The following PI4KA variants were observed in gnomAD, a reference collection of about 807,000 sequenced individuals.
The protein encoded by PI4KA is PI4-kinase alpha.
In PI4KA, 122 loss-of-function variants were observed where a neutral mutation model predicts 271.4. That is an observed-to-expected ratio of 0.45 (90% CI 0.39 to 0.52). The LOEUF is 0.52. Ranked by LOEUF, PI4KA falls within the 20% of genes least tolerant of loss-of-function variation. The pLI is 0.00. For missense variants in PI4KA, 1,969 were observed against 2,769.1 expected (o/e 0.71, Z 6.48); for synonymous variants, 1,041 against 1,078.8 (o/e 0.96, Z 0.69).
chr22:20,720,564 G>C (rs1384123888), intron 43 of PI4KA, among the ~76,000 whole-genome samples: 3 of 152,110 alleles, frequency 2.0e-5, no homozygotes, highest in African/African-American at 7.2e-5. Flanking sequence ...TAAAACAAAA[G>C]CTACCACTTC....
At chr22:20,820,346 G>A (rs955560281) in intron 5 of PI4KA, among the ~76,000 whole-genome samples, 193 bp downstream of exon 5, 6 of 152,122 alleles carry the variant, frequency 3.9e-5, no homozygotes, top group East Asian at 1.9e-4. Context: ...GTGACCCAGC[G>A]TCTATGTAGC....
rs370385429 is a variant in PI4KA at position 20,744,758 on chromosome 22, A to G, written c.3364-38T>C. ...AACCATTATTGTAGACTATGGCAGCACTATCCTTTCCTCGTGTTTACCATG... is the reference window on the plus strand; with the variant it reads ...AACCATTATTGTAGACTATGGCAGCGCTATCCTTTCCTCGTGTTTACCATG... On this transcript the variant is annotated intron_variant, in intron 29 of 54. Coordinates refer to ENST00000255882, the MANE Select transcript of PI4KA (RefSeq NM_058004.4). 12 of 1,525,204 alleles carry G rather than the reference A, an allele frequency of 7.9e-6. No individual in the cohort carries two copies. In the African/African-American group the frequency reaches 1.6e-4, roughly 21 times the overall value. 94.5% of individuals were successfully genotyped at this position (1,525,204 alleles called of 1,614,324 possible).
chr22:20,857,880 G>A (rs1338980421), intron 1 of PI4KA, among the ~76,000 whole-genome samples: 1 of 152,146 alleles, frequency 6.6e-6, no homozygotes, highest in Non-Finnish European at 1.5e-5. Context: ...GATGAGGATT[G>A]CTCTGGCATG....
intron 1 of PI4KA, among the ~76,000 whole-genome samples, chr22:20,853,976 A>G (rs1346632837): frequency 2.7e-5 from 1 of 37,582 alleles, no homozygotes; most frequent in Non-Finnish European, 5.2e-5. Flanking sequence ...AAGGAAAGAG[A>G]AAAAAAAAAA....
At chr22:20,735,692 A>G (rs1928626305) in intron 32 of PI4KA, among the ~76,000 whole-genome samples, 1 of 152,190 alleles carries the variant, frequency 6.6e-6, no homozygotes, top group African/African-American at 2.4e-5. Flanking sequence ...GGTGGAGACA[A>G]AGGCCACATA....
chr22:20,768,907 G>C (rs1932757038), intron 19 of PI4KA, among the ~76,000 whole-genome samples: 1 of 152,214 alleles, frequency 6.6e-6, no homozygotes, highest in African/African-American at 2.4e-5. Flanking sequence ...TAGTGGCCAA[G>C]GACAGTGACA....
chr22:20,827,013 T>C lies in PI4KA; in HGVS notation c.368-2599A>G, dbSNP rs1601581459. Among the ~76,000 whole-genome samples the C allele has an allele frequency of 2.0e-5, 3 of 152,322 alleles. No individual in the cohort carries two copies. In the East Asian group the frequency reaches 5.8e-4, roughly 29 times the overall value. On this transcript the variant is annotated intron_variant, in intron 3 of 54. Transcript: ENST00000255882. ...GGTGGCTGTTTACTCTCTTGACAGT[T>C]TATTTTACTGTGCAGAAGCTCTTTA...
At position 20,787,638 on chromosome 22, in the gene PI4KA, C is replaced by A. The variant is rs192316527; in HGVS notation, c.2328+5555G>T. 8 of 169,436 alleles carry A rather than the reference C, an allele frequency of 4.7e-5. 1 individual carries two copies. The East Asian group carries it at 1.3e-3, about 26-fold the overall frequency. The allele number at this position is 169,436 out of a possible 1,614,324, so 10.5% of individuals were successfully genotyped here. On this transcript the variant is annotated intron_variant, in intron 19 of 54. Transcript: ENST00000255882. ...TGATGAATGCCATCAGTCCCTCCTG[C>A]TGTTGCCTCCCTGTGACCTGGAGGA...
Position 20,726,540 on chromosome 22 carries a change from T to C in PI4KA, c.4943A>G (p.Asp1648Gly). Residue 1648 changes from aspartate (D) to glycine (G), a missense_variant and splice_region_variant, in exon 42 of 55, where the codon GAC (aspartate) becomes GGC (glycine). By Grantham distance (94) the Asp-to-Gly change is moderately conservative. This residue lies in a region of PI4KA where 388 missense variants were observed against 521.5 expected (regional missense o/e 0.74). Transcript: ENST00000255882. ...CTGGGGGATGTAGAAGAGGATGGCG[T>C]CCTGTGGAGGTGGAGCAGAGTTGGC... ...GVKVLRSFPP[D>G]AILFYIPQIV... is the part of the protein sequence containing the mutation. 1 of 1,586,034 alleles carries C rather than the reference T, an allele frequency of 6.3e-7. No homozygotes were observed. The highest frequency in any genetic ancestry group is 8.6e-7 in the Non-Finnish European group (1 of 1,168,422).
At chr22:20,776,149 C>T (rs1236501378) in intron 19 of PI4KA, among the ~76,000 whole-genome samples, 1 of 152,060 alleles carries the variant, frequency 6.6e-6, no homozygotes, top group Non-Finnish European at 1.5e-5. Flanking sequence ...TGGTAAAACC[C>T]CATCTTTACC....
chr22:20,714,609 G>C lies in PI4KA; in HGVS notation c.5390+19C>G. 1 of 1,614,014 alleles carries C rather than the reference G, an allele frequency of 6.2e-7. No homozygotes were observed. Among genetic ancestry groups the C allele is most frequent in the Non-Finnish European group, 8.5e-7 (1 of 1,179,868 alleles). ...CGCGGACGCGTGGAAGTGGGGGATG[G>C]GTAGGGTGAGGCGCCCACCTCTGCA... On this transcript the variant is annotated intron_variant, in intron 46 of 54. Coordinates refer to ENST00000255882, the MANE Select transcript of PI4KA (RefSeq NM_058004.4).
chr22:20,828,411 G>C (rs1923718801), intron 3 of PI4KA, among the ~76,000 whole-genome samples: 1 of 152,138 alleles, frequency 6.6e-6, no homozygotes, highest in Admixed American at 6.5e-5. Context: ...AGAGGTGAGA[G>C]AGGGCATCTT....
chr22:20,785,833 A>C (rs966618370), intron 19 of PI4KA, among the ~76,000 whole-genome samples: 1 of 152,194 alleles, frequency 6.6e-6, no homozygotes, highest in African/African-American at 2.4e-5. Flanking sequence ...CGGAATTACA[A>C]AGGAGTGTGC....
chr22:20,731,538 G>A (rs1928050690), intron 36 of PI4KA, among the ~76,000 whole-genome samples: 1 of 151,860 alleles, frequency 6.6e-6, no homozygotes, highest in South Asian at 2.1e-4. Flanking sequence ...GCCCACACCT[G>A]TAATCCCAGC....
chr22:20,850,546 C>T (rs1926837483), intron 1 of PI4KA, among the ~76,000 whole-genome samples: 1 of 151,954 alleles, frequency 6.6e-6, no homozygotes, highest in Admixed American at 6.6e-5. Flanking sequence ...CAGGTTCATG[C>T]CATTCTCCTG....
At chr22:20,818,680 C>G in intron 6 of PI4KA, 131 bp from the exon 7 acceptor site, 1 of 586,750 alleles carries the variant, frequency 1.7e-6, no homozygotes, top group Non-Finnish European at 2.8e-6. Context: ...CATTTCCTTC[C>G]TAAAGCCCAT....
intron 29 of PI4KA, among the ~76,000 whole-genome samples, chr22:20,746,676 G>T (rs761037335): frequency 6.6e-6 from 1 of 152,238 alleles, no homozygotes; most frequent in Non-Finnish European, 1.5e-5. Flanking sequence ...CTGGTGCCCC[G>T]TCAGAGTAGG....
chr22:20,846,281 AAAG>A (rs1384612142), intron 1 of PI4KA, among the ~76,000 whole-genome samples: 11 of 150,896 alleles, frequency 7.3e-5, no homozygotes, highest in Non-Finnish European at 1.5e-4. Flanking sequence ...AAAAAAAAAA[AAAG>A]AAAAGAAGAA....
At chr22:20,763,368 C>T (rs1932200108) in intron 22 of PI4KA, among the ~76,000 whole-genome samples, 1 of 151,966 alleles carries the variant, frequency 6.6e-6, no homozygotes, top group African/African-American at 2.4e-5. Context: ...CCTCGGCCTC[C>T]CAAAGTGTTG....
Sources: allele counts gnomAD v4.1 joint callset (sites outside exome capture counted in the v4.1 genomes callset), GRCh38; gene constraint gnomAD v4.1.1; regional missense constraint gnomAD v4.1.1; transcripts MANE v1.5; gene names NCBI Gene and HGNC (gene_info 2026-07-23, HGNC 2026-07-21).